AGA: variants seen among roughly 807,000 people sequenced by gnomAD.
The protein encoded by AGA is aspartylglucosaminidase.
A neutral mutation model predicts 40.1 loss-of-function variants in AGA; 31 were observed. The ratio of observed to expected loss-of-function variants is 0.77; its 90% CI spans 0.58 to 1.04. The LOEUF (loss-of-function observed/expected upper bound fraction) is 1.04, where lower values mean the gene tolerates loss of function less well. Among genes scored for constraint, AGA ranks in the 50% least tolerant of loss-of-function variants. AGA has a pLI of 0.00. For synonymous variants in AGA, 148 were observed against 144.0 expected (o/e 1.03, Z -0.20); for missense variants, 445 against 435.4 (o/e 1.02, Z -0.20).
At position 177,438,764 on chromosome 4, in the gene AGA, C is replaced by G. The variant is rs121964904; in HGVS notation, c.488G>C (p.Cys163Ser). 555 of 1,602,166 alleles carry G rather than the reference C, an allele frequency of 3.5e-4. No homozygotes were observed. The highest frequency in any genetic ancestry group is 3.2e-5 in the Non-Finnish European group (37 of 1,169,066). The change falls in exon 4 of 9, where the codon TGC becomes TCC. Residue 163 changes from cysteine (C) to serine (S), a missense_variant. Physicochemically the swap from Cys to Ser is moderately radical, Grantham distance 112 (BLOSUM62 -1). Transcript: ENST00000264595. ...ALHSDWLARN[C>S]QPNYWRNVIP... is the part of the protein sequence containing the mutation. ...GCATACCCTCCAATAATTTGGCTGG[C>G]AATTCCGAGCAAGCCAATCTGAATG...
intron 2 of AGA, 52 bp downstream of exon 2, chr4:177,440,221 C>T: frequency 6.2e-7 from 1 of 1,606,012 alleles, no homozygotes; most frequent in Non-Finnish European, 8.5e-7. Flanking sequence ...CAGAAGACCA[C>T]AACTCTAAAT....
At chr4:177,438,358 C>T (rs938738307) in intron 4 of AGA, among the ~76,000 whole-genome samples, 3 of 152,108 alleles carry the variant, frequency 2.0e-5, no homozygotes, top group Non-Finnish European at 2.9e-5. Context: ...TACATGTCCT[C>T]AAGTCAAGAA....
In AGA at chr4:177,431,630, C is replaced by A. The variant is rs765933219; in HGVS notation, c.*78G>T. 3 of 1,183,850 alleles carry A rather than the reference C, an allele frequency of 2.5e-6. No homozygotes were observed. Among genetic ancestry groups the A allele is most frequent in the Non-Finnish European group, 3.8e-6 (3 of 799,958 alleles). The allele number at this position is 1,183,850 out of a possible 1,614,324, so 73.3% of individuals were successfully genotyped here. A position where few individuals can be genotyped will look rare whatever the true frequency, so the allele number is the denominator to read the frequency against. ...AAGACTTTAGAACACATGAGGAACA[C>A]TAGATGATGAGAGTGAGCAGCCTTT... On this transcript the variant is annotated 3_prime_UTR_variant, in exon 9 of 9. Coordinates refer to ENST00000264595, the MANE Select transcript of AGA (RefSeq NM_000027.4).
At chr4:177,438,665 C>T (rs1219799862) in intron 4 of AGA, 80 bp downstream of exon 4, 1 of 965,812 alleles carries the variant, frequency 1.0e-6, no homozygotes, top group Non-Finnish European at 1.6e-6. Flanking sequence ...CCCTGGACAA[C>T]AGGCAGGCAA....
At chr4:177,434,785 T>C (rs1458487403) in intron 6 of AGA, among the ~76,000 whole-genome samples, 3 of 152,102 alleles carry the variant, frequency 2.0e-5, no homozygotes, top group Admixed American at 2.0e-4. Context: ...CCTGGCGAGA[T>C]GCGGGTCAAA....
rs2111018312 is a variant in AGA, at chr4:177,438,864, A to G, written c.395-7T>C. 1 of 1,517,204 alleles carries G rather than the reference A, an allele frequency of 6.6e-7. No individual in the cohort carries two copies. 94.0% of individuals were successfully genotyped at this position (1,517,204 alleles called of 1,614,324 possible). On this transcript the variant is annotated splice_polypyrimidine_tract_variant and splice_region_variant and intron_variant, in intron 3 of 8. Transcript: ENST00000264595. ...CTTTGAGCAAATGTGGTGGCTGGAG[A>G]TTGGAAAAAAGGAAAGTATAAATTA...
At chr4:177,433,124 A>G in intron 8 of AGA, 90 bp downstream of exon 8, 1 of 1,549,476 alleles carries the variant, frequency 6.5e-7, no homozygotes, top group Non-Finnish European at 8.9e-7. Flanking sequence ...TCTATTGAAT[A>G]TAGTGTATTG....
chr4:177,433,042 A>G (rs1274141020), intron 8 of AGA, among the ~76,000 whole-genome samples, 172 bp downstream of exon 8: 3 of 152,206 alleles, frequency 2.0e-5, no homozygotes, highest in Non-Finnish European at 4.4e-5. Context: ...GCTTTTAGGT[A>G]TATTTTTAAC....
At chr4:177,437,656 A>C in intron 4 of AGA, 137 bp from the exon 5 acceptor site, 1 of 661,822 alleles carries the variant, frequency 1.5e-6, no homozygotes, top group South Asian at 1.7e-5. Context: ...TTAAAAGCTA[A>C]GAAATCACTA....
chr4:177,440,943 G>A (rs1736984128), intron 1 of AGA, among the ~76,000 whole-genome samples: 1 of 152,136 alleles, frequency 6.6e-6, no homozygotes, highest in Non-Finnish European at 1.5e-5. Context: ...CTTCATAACA[G>A]CTTCTGTGGT....
At chr4:177,433,151 A>G (rs1424606916) in intron 8 of AGA, 63 bp downstream of exon 8, 1 of 1,604,542 alleles carries the variant, frequency 6.2e-7, no homozygotes, top group Non-Finnish European at 8.5e-7. Context: ...ACAATATTTA[A>G]AAAGTGTATG....
intron 4 of AGA, among the ~76,000 whole-genome samples, chr4:177,437,863 C>T (rs1321876874): frequency 2.0e-5 from 3 of 152,112 alleles, no homozygotes. Flanking sequence ...ATTAGATACA[C>T]ACTGGACCTT....
intron 6 of AGA, 73 bp from the exon 7 acceptor site, chr4:177,434,562 T>C: frequency 8.1e-7 from 1 of 1,234,058 alleles, no homozygotes; most frequent in Non-Finnish European, 1.2e-6. Context: ...CTGTTCCAAA[T>C]AAGGGATAGT....
intron 6 of AGA, among the ~76,000 whole-genome samples, chr4:177,435,343 A>G (rs953229365): frequency 2.6e-5 from 4 of 152,200 alleles, no homozygotes; most frequent in Admixed American, 1.3e-4. Context: ...CACCACAAAT[A>G]CACATAATTT....
chr4:177,433,405 G>C, intron 7 of AGA, 58 bp from the exon 8 acceptor site: 1 of 1,606,992 alleles, frequency 6.2e-7, no homozygotes, highest in Non-Finnish European at 8.5e-7. Flanking sequence ...CTCCAAATTG[G>C]GTTACTTGAA....
intron 8 of AGA, among the ~76,000 whole-genome samples, chr4:177,432,679 A>G (rs931500465): frequency 1.3e-5 from 2 of 152,196 alleles, no homozygotes; most frequent in African/African-American, 4.8e-5. Flanking sequence ...GGCTGATCTT[A>G]AAATGCTTTG....
intron 3 of AGA, among the ~76,000 whole-genome samples, chr4:177,439,335 C>T (rs567074829): frequency 2.6e-5 from 4 of 152,272 alleles, no homozygotes; most frequent in South Asian, 4.1e-4. Flanking sequence ...GAGCTGAGAT[C>T]GCGCCATTGC....
At chr4:177,440,126 G>C in intron 2 of AGA, 147 bp downstream of exon 2, 1 of 955,506 alleles carries the variant, frequency 1.0e-6, no homozygotes, top group Admixed American at 2.0e-5. Flanking sequence ...TCAGTTGAGA[G>C]GGAAACTGTG....
In AGA at chr4:177,430,966, C is replaced by G. The variant is rs1262767832; in HGVS notation, c.*742G>C. 2.2e-6 allele frequency: 1 copy of G among 454,016 alleles called. No individual in the cohort carries two copies. The highest frequency in any genetic ancestry group is 2.3e-5 in the Admixed American group (1 of 42,568). 28.1% of individuals were successfully genotyped at this position (454,016 alleles called of 1,614,324 possible). Reference sequence around the variant, plus strand: ...TCTAATTGCCATACCCACCTCTGCACAAGGAATTAGTAAAATTACAGTACA... The same window carrying G: ...TCTAATTGCCATACCCACCTCTGCAGAAGGAATTAGTAAAATTACAGTACA... On this transcript the variant is annotated 3_prime_UTR_variant, in exon 9 of 9. Coordinates refer to ENST00000264595, the MANE Select transcript of AGA (RefSeq NM_000027.4).
Sources: gnomAD v4.1 joint callset for allele counts (sites outside exome capture counted in the v4.1 genomes callset) on GRCh38, gnomAD v4.1.1 for gene constraint, MANE v1.5 for transcripts, NCBI Gene and HGNC (gene_info 2026-07-23, HGNC 2026-07-21) for gene names.